The following ZCCHC17 variants were observed in gnomAD, a reference collection of about 807,000 sequenced individuals.
ZCCHC17 encodes zinc finger CCHC-type containing 17.
A neutral mutation model predicts 30.6 loss-of-function variants in ZCCHC17; 18 were observed. That is an observed-to-expected ratio of 0.59 (90% CI 0.41 to 0.87). The LOEUF is 0.87. Ranked by LOEUF, ZCCHC17 falls within the 40% of genes least tolerant of loss-of-function variation. The pLI is 0.00. For synonymous variants in ZCCHC17, 88 were observed against 92.4 expected (o/e 0.95, Z 0.27); for missense variants, 263 against 284.2 (o/e 0.93, Z 0.54).
intron 2 of ZCCHC17, among the ~76,000 whole-genome samples, chr1:31,317,661 G>A (rs1646769751): frequency 6.6e-6 from 1 of 151,764 alleles, no homozygotes; most frequent in African/African-American, 2.4e-5. Flanking sequence ...TTAGAGATGG[G>A]TCTTGCTATG....
intron 6 of ZCCHC17, among the ~76,000 whole-genome samples, chr1:31,348,171 A>G (rs1414442382): frequency 6.6e-6 from 1 of 152,220 alleles, no homozygotes; most frequent in Admixed American, 6.5e-5. Flanking sequence ...GGTGCAGCAG[A>G]AAGCACAGGG....
intron 3 of ZCCHC17, among the ~76,000 whole-genome samples, chr1:31,327,389 G>T (rs529829495): frequency 7.9e-5 from 12 of 152,362 alleles, no homozygotes; most frequent in African/African-American, 2.9e-4. Context: ...TGCCAGAATG[G>T]CTTACAGAAG....
chr1:31,329,421 A>G (rs1638491256), intron 3 of ZCCHC17, among the ~76,000 whole-genome samples: 1 of 152,206 alleles, frequency 6.6e-6, no homozygotes, highest in South Asian at 2.1e-4. Context: ...AGATTTTTCA[A>G]CATTATACTT....
chr1:31,363,687 T>G (rs1360940521), intron 7 of ZCCHC17, among the ~76,000 whole-genome samples: 5 of 151,818 alleles, frequency 3.3e-5, no homozygotes, highest in African/African-American at 1.2e-4. Flanking sequence ...GAGGCTGAGG[T>G]GGGAGGATTG....
At chr1:31,321,267 C>T (rs1646853871) in intron 3 of ZCCHC17, among the ~76,000 whole-genome samples, 1 of 151,952 alleles carries the variant, frequency 6.6e-6, no homozygotes, top group South Asian at 2.1e-4. Context: ...TAAGGGGCTT[C>T]CCTTATAAAA....
intron 7 of ZCCHC17, among the ~76,000 whole-genome samples, chr1:31,360,322 A>G (rs973410264): frequency 2.0e-5 from 3 of 152,204 alleles, no homozygotes; most frequent in Admixed American, 6.5e-5. Flanking sequence ...GGCATGTGCC[A>G]CCACGCCCAG....
At chr1:31,325,240 T>C (rs543821616) in intron 3 of ZCCHC17, among the ~76,000 whole-genome samples, 1 of 152,348 alleles carries the variant, frequency 6.6e-6, no homozygotes, top group South Asian at 2.1e-4. Context: ...CTGAGAGCTG[T>C]ACCATCACTC....
At chr1:31,363,085 A>G (rs1238633950) in intron 7 of ZCCHC17, among the ~76,000 whole-genome samples, 2 of 152,086 alleles carry the variant, frequency 1.3e-5, no homozygotes, top group Admixed American at 1.3e-4. Context: ...GGAACCTACA[A>G]TACATATTAT....
intron 2 of ZCCHC17, among the ~76,000 whole-genome samples, chr1:31,313,382 G>GGCCTGAGCC: frequency 6.6e-6 from 1 of 152,224 alleles, no homozygotes; most frequent in Middle Eastern, 3.4e-3. Flanking sequence ...TGAGCCTATA[G>GGCCTGAGCC]TATTTTAATG....
intron 3 of ZCCHC17, among the ~76,000 whole-genome samples, chr1:31,325,583 A>C (rs925572831): frequency 1.3e-5 from 2 of 152,206 alleles, no homozygotes. Context: ...CTGGCTGTGC[A>C]CAGTGGCTGG....
chr1:31,348,359 A>G (rs756144636), intron 6 of ZCCHC17, among the ~76,000 whole-genome samples: 6 of 151,972 alleles, frequency 3.9e-5, no homozygotes, highest in South Asian at 2.1e-4. Flanking sequence ...GACTGTGCCT[A>G]TTTCTCTGTG....
intron 2 of ZCCHC17, among the ~76,000 whole-genome samples, chr1:31,316,447 T>C (rs185549887): frequency 1.3e-5 from 2 of 152,312 alleles, no homozygotes; most frequent in East Asian, 1.9e-4. Context: ...TCTTTAATAA[T>C]GTTGTTACAC....
intron 1 of ZCCHC17, among the ~76,000 whole-genome samples, chr1:31,300,802 G>T (rs1219320244): frequency 6.6e-6 from 1 of 152,098 alleles, no homozygotes; most frequent in Non-Finnish European, 1.5e-5. Context: ...TGGGCATGGT[G>T]GTGTGTGCCT....
At chr1:31,300,582 T>A (rs994197729) in intron 1 of ZCCHC17, among the ~76,000 whole-genome samples, 1 of 152,092 alleles carries the variant, frequency 6.6e-6, no homozygotes, top group African/African-American at 2.4e-5. Context: ...GTTGTTGGAA[T>A]GATGATATCT....
intron 3 of ZCCHC17, among the ~76,000 whole-genome samples, chr1:31,332,548 C>T (rs1452055663): frequency 6.6e-6 from 1 of 151,860 alleles, no homozygotes; most frequent in East Asian, 1.9e-4. Context: ...GGAAATAATG[C>T]ATGCTCATCA....
Position 31,348,994 on chromosome 1 carries a change from T to C in ZCCHC17, c.564+20T>C, listed in dbSNP as rs1230151760. Reference sequence around the variant, plus strand: ...AAGAAGGTGAATGCTACTTTGCTTTTATTTTATCATGTCTTTTTCAAGTTT... The same window carrying C: ...AAGAAGGTGAATGCTACTTTGCTTTCATTTTATCATGTCTTTTTCAAGTTT... On this transcript the variant is annotated intron_variant, in intron 7 of 7. Transcript: ENST00000344147. 4 of 1,549,368 alleles carry C rather than the reference T, an allele frequency of 2.6e-6. No homozygotes were observed. The highest frequency in any genetic ancestry group is 3.5e-6 in the Non-Finnish European group (4 of 1,154,878).
At chr1:31,316,681 A>G (rs1038933423) in intron 2 of ZCCHC17, among the ~76,000 whole-genome samples, 1 of 152,192 alleles carries the variant, frequency 6.6e-6, no homozygotes, top group Admixed American at 6.5e-5. Flanking sequence ...GTAGAACTGG[A>G]CCAGCTAATC....
chr1:31,350,543 C>G (rs566077797), intron 7 of ZCCHC17, among the ~76,000 whole-genome samples: 4 of 152,112 alleles, frequency 2.6e-5, no homozygotes, highest in Admixed American at 2.0e-4. Flanking sequence ...CAGTCAAATC[C>G]AGACTTGAGG....
chr1:31,326,115 CT>C (rs1033321333), intron 3 of ZCCHC17, among the ~76,000 whole-genome samples: 43 of 151,968 alleles, frequency 2.8e-4, no homozygotes, highest in African/African-American at 9.9e-4. Context: ...GTGCATATGC[CT>C]TTAATATCTT....
Sources: allele counts gnomAD v4.1 joint callset (sites outside exome capture counted in the v4.1 genomes callset), GRCh38; gene constraint gnomAD v4.1.1; transcripts MANE v1.5; gene names NCBI Gene and HGNC (gene_info 2026-07-23, HGNC 2026-07-21).